The following SORBS2 variants were observed in gnomAD, a reference collection of about 807,000 sequenced individuals.
The protein encoded by SORBS2 is sorbin and SH3 domain-containing protein 2.
SORBS2 carries 46 observed loss-of-function variants against 97.7 expected under a neutral mutation model. The ratio of observed to expected loss-of-function variants is 0.47; its 90% CI spans 0.37 to 0.60. SORBS2 has a LOEUF of 0.60. Among genes scored for constraint, SORBS2 ranks in the 20% least tolerant of loss-of-function variants. The pLI, the probability that SORBS2 is intolerant of heterozygous loss-of-function variation, is 0.00. For synonymous variants in SORBS2, 476 were observed against 473.4 expected, an observed-to-expected ratio of 1.01 and a Z score of -0.07; for missense variants, 1,316 against 1,282.3, an observed-to-expected ratio of 1.03 and a Z score of -0.40.
At chr4:185,690,647 C>A (rs2098076167) in intron 2 of SORBS2, 36 bp from the exon 4 acceptor site, 2 of 885,190 alleles carry the variant, frequency 2.3e-6, no homozygotes, top group Non-Finnish European at 3.4e-6. Context: ...TGTTCACTAG[C>A]ATGTGGAAGA....
intron 2 of SORBS2, among the ~76,000 whole-genome samples, chr4:185,742,580 T>C (rs1394929490): frequency 6.6e-6 from 1 of 152,102 alleles, no homozygotes; most frequent in Non-Finnish European, 1.5e-5. Flanking sequence ...CAATAAGATA[T>C]CCCCCTAAAC....
intron 4 of SORBS2, among the ~76,000 whole-genome samples, chr4:185,670,310 C>CA (rs1043054400): frequency 2.0e-5 from 3 of 151,982 alleles, no homozygotes; most frequent in African/African-American, 7.2e-5. Context: ...TTCAACTTTT[C>CA]AAAAAAATTC....
At chr4:185,858,001 ATC>A (rs1007188698) in intron 1 of SORBS2, among the ~76,000 whole-genome samples, 4 of 151,872 alleles carry the variant, frequency 2.6e-5, no homozygotes. Flanking sequence ...GAAGTATGTG[ATC>A]TCTGTGACCT....
chr4:185,916,841 C>T (rs1351549906), intron 1 of SORBS2, among the ~76,000 whole-genome samples: 2 of 152,164 alleles, frequency 1.3e-5, no homozygotes, highest in South Asian at 4.1e-4. Context: ...CTATACAACT[C>T]GTCAAATCCT....
At chr4:185,835,039 G>T (rs530209626) in intron 1 of SORBS2, among the ~76,000 whole-genome samples, 1 of 152,120 alleles carries the variant, frequency 6.6e-6, no homozygotes, top group Non-Finnish European at 1.5e-5. Flanking sequence ...TGGAGATCTG[G>T]TTATTTAAAA....
chr4:185,885,048 C>T (rs1456627110), intron 1 of SORBS2, among the ~76,000 whole-genome samples: 1 of 151,374 alleles, frequency 6.6e-6, no homozygotes, highest in African/African-American at 2.4e-5. Context: ...AGGAGAGCAA[C>T]AAGAAGAAAA....
At chr4:185,901,195 TGAA>T (rs2099247553) in intron 1 of SORBS2, among the ~76,000 whole-genome samples, 1 of 151,754 alleles carries the variant, frequency 6.6e-6, no homozygotes, top group Non-Finnish European at 1.5e-5. Flanking sequence ...CCCAAAATGT[TGAA>T]GAAGAATTTT....
chr4:185,836,363 G>C (rs573004884), intron 1 of SORBS2, among the ~76,000 whole-genome samples: 1 of 152,196 alleles, frequency 6.6e-6, no homozygotes, highest in Non-Finnish European at 1.5e-5. Context: ...TCTCATCAGA[G>C]TAGACAGATA....
At chr4:185,642,269 A>G (rs900265820) in intron 4 of SORBS2, among the ~76,000 whole-genome samples, 4 of 152,116 alleles carry the variant, frequency 2.6e-5, no homozygotes, top group African/African-American at 7.2e-5. Context: ...ACTCTGCTAC[A>G]GTGTTTTCAA....
chr4:185,799,087 A>G (rs969783270), intron 1 of SORBS2, among the ~76,000 whole-genome samples: 1 of 152,228 alleles, frequency 6.6e-6, no homozygotes. Context: ...CGAAGTATCC[A>G]TCTTGGATAT....
At chr4:185,643,665 AG>A (rs2097163961) in intron 4 of SORBS2, among the ~76,000 whole-genome samples, 1 of 152,112 alleles carries the variant, frequency 6.6e-6, no homozygotes, top group South Asian at 2.1e-4. Flanking sequence ...ACTGCAGGAG[AG>A]GGGAAAACCC....
At chr4:185,808,390 A>G (rs546355976) in intron 1 of SORBS2, among the ~76,000 whole-genome samples, 105 of 152,320 alleles carry the variant, frequency 6.9e-4, no homozygotes, top group Non-Finnish European at 1.1e-3. Flanking sequence ...TCTTAAAGAC[A>G]AGGAATTATG....
At chr4:185,775,583 T>C (rs1289639463) in intron 1 of SORBS2, 1 of 152,220 alleles carries the variant, frequency 6.6e-6, no homozygotes, top group African/African-American at 2.4e-5. Context: ...TGGTTCATTG[T>C]GCAAATATTC....
chr4:185,921,901 C>T (rs987845049), intron 1 of SORBS2, among the ~76,000 whole-genome samples: 1 of 152,232 alleles, frequency 6.6e-6, no homozygotes, highest in Non-Finnish European at 1.5e-5. Flanking sequence ...TTTATTCAGA[C>T]TGCCCTGCTA....
intron 1 of SORBS2, among the ~76,000 whole-genome samples, chr4:185,955,181 A>G (rs1750512484): frequency 6.6e-6 from 1 of 152,202 alleles, no homozygotes. Context: ...AATGAAGCAG[A>G]GCACTCTTTG....
exon 1 of SORBS2, chr4:185,656,686 G>A (rs553559558): frequency 6.5e-7 from 1 of 1,549,764 alleles, no homozygotes; most frequent in East Asian, 2.5e-5. Context: ...TTCTCTTCCA[G>A]TGGACTTGGT....
At chr4:185,615,552 G>A (rs965833707) in intron 9 of SORBS2, among the ~76,000 whole-genome samples, 12 of 151,238 alleles carry the variant, frequency 7.9e-5, no homozygotes, top group African/African-American at 2.7e-4. Context: ...TGGCTAGTTA[G>A]TTACTAGCCC....
At chr4:185,843,134 A>G (rs2099212619) in intron 1 of SORBS2, among the ~76,000 whole-genome samples, 2 of 152,072 alleles carry the variant, frequency 1.3e-5, no homozygotes, top group Non-Finnish European at 2.9e-5. Context: ...GTTATGGAAG[A>G]CTTTGTAGAA....
chr4:185,847,549 C>G (rs1182196305), intron 1 of SORBS2, among the ~76,000 whole-genome samples: 2 of 152,164 alleles, frequency 1.3e-5, no homozygotes, highest in Non-Finnish European at 2.9e-5. Context: ...CCTCTCCTCC[C>G]AACTGCAGCA....
Sources: allele counts gnomAD v4.1 joint callset (sites outside exome capture counted in the v4.1 genomes callset), GRCh38; gene constraint gnomAD v4.1.1; transcripts MANE v1.5; gene names NCBI Gene and HGNC (gene_info 2026-07-23, HGNC 2026-07-21).